TBC1D7: variants seen among roughly 807,000 people sequenced by gnomAD.
The protein encoded by TBC1D7 is TBC domain family 7.
In TBC1D7, 33 loss-of-function variants were observed where a neutral mutation model predicts 35.3. The observed-to-expected ratio is 0.93, with a 90% confidence interval of 0.71 to 1.25. The LOEUF is 1.25. TBC1D7 is among the 50% of genes most tolerant of loss of function. The probability of loss-of-function intolerance (pLI) is 0.00; values close to 1 mark genes in which losing one functional copy is unlikely to be tolerated. For synonymous variants in TBC1D7, 135 were observed against 129.5 expected (o/e 1.04, Z -0.29); for missense variants, 362 against 365.3 (o/e 0.99, Z 0.07).
Position 13,319,544 on chromosome 6 carries a change from G to C in TBC1D7, c.381+1364C>G, listed in dbSNP as rs1384067083. 2.6e-5 allele frequency: 4 copies of C among 151,916 alleles called. No individual in the cohort carries two copies. The East Asian group carries it at 7.7e-4, about 29-fold the overall frequency. The allele number at this position is 151,916 out of a possible 1,614,324, so 9.4% of individuals were successfully genotyped here. A position where few individuals can be genotyped will look rare whatever the true frequency, so the allele number is the denominator to read the frequency against. ...GCAGCTAAATGTAATGTGTGATCCG[G>C]AACTGGATCTTGGATCAGAAGAAGA... On this transcript the variant is annotated intron_variant, in intron 4 of 7. Transcript: ENST00000379300.
rs1342172211 is a variant in TBC1D7 at position 13,313,995 on chromosome 6, GCGGA to G, written c.519+2572_519+2575del. ...CCCAGCACTTTGGGAGGCCGAGGGGGCGGATCACAAGGTCAGATCGAGAGCATCC... is the reference window on the plus strand; with the variant it reads ...CCCAGCACTTTGGGAGGCCGAGGGGGTCACAAGGTCAGATCGAGAGCATCC... On this transcript the variant is annotated intron_variant, in intron 5 of 7. Transcript: ENST00000379300. 2.6e-5 allele frequency among the ~76,000 whole-genome samples: 4 copies of G among 152,100 alleles called. No individual in the cohort carries two copies. The East Asian group carries it at 7.7e-4, about 29-fold the overall frequency.
chr6:13,315,544 T>C (rs1169691257), intron 5 of TBC1D7, among the ~76,000 whole-genome samples: 1 of 151,906 alleles, frequency 6.6e-6, no homozygotes, highest in Non-Finnish European at 1.5e-5. Context: ...TGCAACCCCG[T>C]CTCTACTAAA....
chr6:13,325,040 A>C, intron 3 of TBC1D7, 54 bp downstream of exon 3: 1 of 1,285,846 alleles, frequency 7.8e-7, no homozygotes, highest in Non-Finnish European at 1.1e-6. Context: ...ATAGCAAATG[A>C]TCCCTTCATT....
intron 2 of TBC1D7, 127 bp from the exon 3 acceptor site, chr6:13,325,301 CAGT>C: frequency 1.5e-6 from 1 of 651,730 alleles, no homozygotes; most frequent in Non-Finnish European, 2.6e-6. Flanking sequence ...ACCATATGGT[CAGT>C]AAGTTTAGGA....
chr6:13,323,828 T>C (rs1784219610), intron 3 of TBC1D7: 1 of 152,248 alleles, frequency 6.6e-6, no homozygotes, highest in African/African-American at 2.4e-5. Context: ...CAATCTATCT[T>C]ACCTTCAAAT....
At position 13,307,472 on chromosome 6, in the gene TBC1D7, T is replaced by A. The variant is rs1782888343; in HGVS notation, c.665+128A>T. Reference sequence around the variant, plus strand: ...AATCATGTGCTGTTACGGTAGCTGCTGGAGGACTGAGCTTCAAATTACTGT... The same window carrying A: ...AATCATGTGCTGTTACGGTAGCTGCAGGAGGACTGAGCTTCAAATTACTGT... On this transcript the variant is annotated intron_variant, in intron 6 of 7. Transcript: ENST00000379300. The A allele has an allele frequency of 4.5e-6, 4 of 895,188 alleles. No individual in the cohort carries two copies. In the South Asian group the frequency reaches 6.5e-5, roughly 14 times the overall value. 55.5% of individuals were successfully genotyped at this position (895,188 alleles called of 1,614,324 possible). A position where few individuals can be genotyped will look rare whatever the true frequency, so the allele number is the denominator to read the frequency against.
chr6:13,312,608 C>CCCAAGAGGCAGAAGAATCCT (rs1783301008), intron 5 of TBC1D7, among the ~76,000 whole-genome samples: 1 of 150,882 alleles, frequency 6.6e-6, no homozygotes, highest in African/African-American at 2.4e-5. Flanking sequence ...AGAAGAATCC[C>CCCAAGAGGCAGAAGAATCCT]TTGAACCCAA....
At chr6:13,317,430 G>A (rs985257678) in intron 4 of TBC1D7, among the ~76,000 whole-genome samples, 1 of 152,164 alleles carries the variant, frequency 6.6e-6, no homozygotes, top group Non-Finnish European at 1.5e-5. Context: ...TTTAATAGCT[G>A]AAGGATTTTA....
At chr6:13,326,972 A>G in intron 1 of TBC1D7, 66 bp from the exon 2 acceptor site, 3 of 881,166 alleles carry the variant, frequency 3.4e-6, no homozygotes, top group Non-Finnish European at 3.6e-6. Flanking sequence ...GTCTAGAAAC[A>G]AAGAGTCAAG....
At chr6:13,313,100 T>C (rs1783347738) in intron 5 of TBC1D7, among the ~76,000 whole-genome samples, 1 of 152,194 alleles carries the variant, frequency 6.6e-6, no homozygotes, top group South Asian at 2.1e-4. Flanking sequence ...CAGGAAGAGA[T>C]GTGTAGGTTA....
intron 3 of TBC1D7, among the ~76,000 whole-genome samples, chr6:13,321,877 C>T (rs1337317837): frequency 3.3e-5 from 5 of 152,134 alleles, no homozygotes; most frequent in African/African-American, 7.2e-5. Flanking sequence ...AAAAAAAATG[C>T]CCTCATCAAA....
intron 4 of TBC1D7, chr6:13,320,589 G>T (rs746855247): frequency 3.4e-6 from 2 of 583,094 alleles, no homozygotes; most frequent in Non-Finnish European, 6.0e-6. Flanking sequence ...AATAATGTTG[G>T]ATGTAGAAAA....
At chr6:13,324,762 C>T (rs1030480813) in intron 3 of TBC1D7, among the ~76,000 whole-genome samples, 10 of 152,142 alleles carry the variant, frequency 6.6e-5, no homozygotes, top group African/African-American at 2.2e-4. Flanking sequence ...AGTAATTTAG[C>T]TCAAAAGCTT....
rs1417124653 is a variant in TBC1D7, at chr6:13,316,703, T to C, written c.387A>G (p.Pro129=). 1.2e-6 allele frequency: 2 copies of C among 1,613,808 alleles called. No individual in the cohort carries two copies. Among genetic ancestry groups the C allele is most frequent in the Non-Finnish European group, 8.5e-7 (1 of 1,179,896 alleles). ...LPRSPSFPLE[P]DDEVFLAIAK... is the part of the protein sequence containing the mutation. Reference sequence around the variant, plus strand: ...CTATGGCAAGAAACACTTCATCATCTGGCTCCTGAAAGATTAATAATAAAT... The same window carrying C: ...CTATGGCAAGAAACACTTCATCATCCGGCTCCTGAAAGATTAATAATAAAT... The change falls in exon 5 of 8, where the codon CCA becomes CCG. Residue 129 remains proline, a synonymous_variant. Transcript: ENST00000379300.
At chr6:13,306,218 T>G in intron 7 of TBC1D7, 180 bp downstream of exon 7, 1 of 466,924 alleles carries the variant, frequency 2.1e-6, no homozygotes, top group East Asian at 4.6e-5. Context: ...CAAATTATTA[T>G]TTCTCTTAAA....
rs142982731 is a variant in TBC1D7 at position 13,323,987 on chromosome 6, T to C, written c.193+1107A>G. 1.1e-4 allele frequency among the ~76,000 whole-genome samples: 17 copies of C among 152,328 alleles called. No homozygotes were observed. The East Asian group carries it at 2.9e-3, about 26-fold the overall frequency. ...TCACAGGGATTCTAGGATTACTCTG[T>C]ATAATCTATGTAAACTACTCAGCCT... On this transcript the variant is annotated intron_variant, in intron 3 of 7. Transcript: ENST00000379300.
chr6:13,316,018 G>A (rs965425854), intron 5 of TBC1D7, among the ~76,000 whole-genome samples: 3 of 152,154 alleles, frequency 2.0e-5, no homozygotes, highest in Admixed American at 6.5e-5. Context: ...GAACACAGAC[G>A]TCATGGCCGC....
chr6:13,326,683 T>C, intron 2 of TBC1D7, 104 bp downstream of exon 2: 1 of 641,898 alleles, frequency 1.6e-6, no homozygotes, highest in African/African-American at 1.9e-5. Flanking sequence ...CACTAAAAAA[T>C]ACAGCAAGTA....
intron 5 of TBC1D7, among the ~76,000 whole-genome samples, chr6:13,309,591 T>C (rs1040211161): frequency 5.9e-5 from 9 of 152,246 alleles, no homozygotes; most frequent in African/African-American, 2.2e-4. Flanking sequence ...TAGCCTATTA[T>C]AAGAAATCTT....
Sources: gnomAD v4.1 joint callset for allele counts (sites outside exome capture counted in the v4.1 genomes callset) on GRCh38, gnomAD v4.1.1 for gene constraint, MANE v1.5 for transcripts, NCBI Gene and HGNC (gene_info 2026-07-23, HGNC 2026-07-21) for gene names.